Variants in PATL1 observed in about 807,000 individuals in gnomAD.
The protein encoded by PATL1 is PAT1 homolog 1, processing body mRNA decay factor.
In PATL1, 32 loss-of-function variants were observed where a neutral mutation model predicts 100.6. The ratio of observed to expected loss-of-function variants is 0.32; its 90% confidence interval spans 0.24 to 0.43. The LOEUF (loss-of-function observed/expected upper bound fraction) is 0.43. Among genes scored for constraint, PATL1 ranks in the 20% least tolerant of loss-of-function variants. The pLI, the probability that PATL1 is intolerant of heterozygous loss-of-function variation, is 1.00. For synonymous variants in PATL1, 332 were observed against 330.0 expected, an observed-to-expected ratio of 1.01 and a Z score of -0.07; for missense variants, 747 against 949.9, an observed-to-expected ratio of 0.79 and a Z score of 2.81.
intron 13 of PATL1, 88 bp from the exon 14 acceptor site, chr11:59,649,698 T>A: frequency 9.2e-6 from 12 of 1,299,854 alleles, no homozygotes; most frequent in Non-Finnish European, 1.2e-5. Context: ...GACTACTAGC[T>A]AAAGACAAAC....
chr11:59,641,574 G>A (rs1262697727), intron 16 of PATL1, among the ~76,000 whole-genome samples: 17 of 151,908 alleles, frequency 1.1e-4, no homozygotes, highest in Admixed American at 8.5e-4. Flanking sequence ...ACAACATGGC[G>A]AAACCCCACC....
At chr11:59,650,127 G>GAAAAAAAAAAAAAAAAAAAA (rs755879524) in intron 13 of PATL1, among the ~76,000 whole-genome samples, 1 of 61,634 alleles carries the variant, frequency 1.6e-5, no homozygotes, top group Non-Finnish European at 3.2e-5. Flanking sequence ...ATCTCAAAAG[G>GAAAAAAAAAAAAAAAAAAAA]AAAAAAAAAA....
chr11:59,647,235 A>AAAC (rs1565131626), intron 15 of PATL1, among the ~76,000 whole-genome samples: 1 of 150,840 alleles, frequency 6.6e-6, no homozygotes, highest in African/African-American at 2.5e-5. Flanking sequence ...AAAAAAAAAA[A>AAAC]AAAAAAAAAC....
rs1449845065 is a variant in PATL1, at chr11:59,638,424, A to T, written c.2292-13T>A. 2 of 1,607,196 alleles carry T rather than the reference A, an allele frequency of 1.2e-6. No homozygotes were observed. Among genetic ancestry groups the T allele is most frequent in the Non-Finnish European group, 1.7e-6 (2 of 1,174,552 alleles). ...CCCCTGAACTAGCCTAGGAGTACAA[A>T]GGAGAGAAAGGAAAATTGTATAAAT... On this transcript the variant is annotated splice_polypyrimidine_tract_variant and intron_variant, in intron 18 of 18. Transcript: ENST00000300146.
At chr11:59,660,574 G>T (rs1861613347) in intron 2 of PATL1, among the ~76,000 whole-genome samples, 1 of 152,134 alleles carries the variant, frequency 6.6e-6, no homozygotes, top group Admixed American at 6.5e-5. Flanking sequence ...TCAGTATAAA[G>T]AAAGGCCTTA....
Position 59,658,963 on chromosome 11 carries a change from A to G in PATL1, c.346-17T>C. 1.3e-6 allele frequency: 2 copies of G among 1,539,348 alleles called. No individual in the cohort carries two copies. The highest frequency in any genetic ancestry group is 1.8e-6 in the Non-Finnish European group (2 of 1,140,034). On this transcript the variant is annotated splice_polypyrimidine_tract_variant and intron_variant, in intron 3 of 18. Coordinates refer to ENST00000300146, the MANE Select transcript of PATL1 (RefSeq NM_152716.3). ...TGGTTGGGGCTAACAAAAAAGGAAA[A>G]CATACAGAGTCTGAAATGTTGTATA...
At position 59,639,295 on chromosome 11, in the gene PATL1, T is replaced by C. The variant is rs1203055727; in HGVS notation, c.2138A>G (p.Gln713Arg). 6.4e-7 allele frequency: 1 copy of C among 1,553,624 alleles called. No individual in the cohort carries two copies. The highest frequency in any genetic ancestry group is 1.4e-5 in the African/African-American group (1 of 73,228). The change falls in exon 17 of 19, where the codon CAG becomes CGG. Residue 713 changes from glutamine to arginine, a missense_variant. Gln to Arg is a conservative substitution (Grantham distance 43). This residue lies in a region of PATL1 where 434 missense variants were observed against 596.1 expected (regional missense o/e 0.73). Coordinates refer to ENST00000300146, the MANE Select transcript of PATL1 (RefSeq NM_152716.3). ...DPATESTQNN[Q>R]WTEVMFMATR... ...AGAAGAAACAGTCCACACTGACCAC[T>C]GATTATTTTGTGTTGATTCTGTAGC...
chr11:59,656,585 G>C lies in PATL1; in HGVS notation c.637C>G (p.Pro213Ala). ...GGCATTGGGGGCCGAACATGGACAG[G>C]CTTCGGACACAGAATCTATCAGGAC... is the stretch of plus-strand genomic sequence containing the variant. ...SFTQQILCPK[P>A]VHVRPPMPPR... Residue 213 changes from proline (P) to alanine (A), a missense_variant, in exon 6 of 19, where the codon CCT becomes GCT. Pro to Ala is a conservative substitution (Grantham distance 27, BLOSUM62 -1). Coordinates refer to ENST00000300146, the MANE Select transcript of PATL1 (RefSeq NM_152716.3). The C allele has an allele frequency of 1.9e-6, 3 of 1,613,888 alleles. No individual in the cohort carries two copies. The highest frequency in any genetic ancestry group is 2.5e-6 in the Non-Finnish European group (3 of 1,179,796).
intron 16 of PATL1, among the ~76,000 whole-genome samples, chr11:59,641,467 TCATGGCCGGTTG>T (rs1454068258): frequency 1.7e-4 from 26 of 152,096 alleles, no homozygotes; most frequent in African/African-American, 6.0e-4. Context: ...AAATTTCCCT[TCATGGCCGGTTG>T]CAGTAGCTCA....
intron 13 of PATL1, 83 bp from the exon 14 acceptor site, chr11:59,649,693 C>A: frequency 7.5e-7 from 1 of 1,332,030 alleles, no homozygotes; most frequent in South Asian, 1.6e-5. Flanking sequence ...TTTAGGACTA[C>A]TAGCTAAAGA....
In PATL1 at chr11:59,652,882, G is replaced by C; in HGVS notation, c.1258C>G (p.Gln420Glu). Residue 420 changes from glutamine to glutamate, a missense_variant, in exon 10 of 19, where the codon CAA becomes GAA. Coordinates refer to ENST00000300146, the MANE Select transcript of PATL1 (RefSeq NM_152716.3). ...KDWVSKIQMMQLQSTDPYLDD... is the reference protein window; with the variant it reads ...KDWVSKIQMMELQSTDPYLDD... ...AGGTAGGGATCAGTGCTTTGCAGTT[G>C]CATCATCTGGATTTTAGAGACCCAA... is the stretch of plus-strand genomic sequence containing the variant. The C allele has an allele frequency of 6.2e-7, 1 of 1,613,908 alleles. No homozygotes were observed. Among genetic ancestry groups the C allele is most frequent in the Non-Finnish European group, 8.5e-7 (1 of 1,179,872 alleles).
At chr11:59,656,644 T>G in intron 5 of PATL1, 44 bp from the exon 6 acceptor site, 1 of 1,550,482 alleles carries the variant, frequency 6.4e-7, no homozygotes, top group Non-Finnish European at 8.9e-7. Flanking sequence ...ATGAAATCAG[T>G]TTTTCTTCCA....
intron 11 of PATL1, 89 bp downstream of exon 11, chr11:59,652,375 C>G: frequency 6.8e-7 from 1 of 1,468,418 alleles, no homozygotes; most frequent in Non-Finnish European, 9.1e-7. Context: ...TTTGCATATC[C>G]TTCCACATAT....
intron 9 of PATL1, among the ~76,000 whole-genome samples, chr11:59,653,409 T>G (rs1861474316): frequency 6.6e-6 from 1 of 152,194 alleles, no homozygotes; most frequent in Non-Finnish European, 1.5e-5. Flanking sequence ...ACACAGGCGA[T>G]TTAGCTCTGA....
intron 2 of PATL1, among the ~76,000 whole-genome samples, chr11:59,665,996 T>C (rs974434116): frequency 9.2e-5 from 14 of 152,042 alleles, no homozygotes; most frequent in Admixed American, 6.5e-4. Context: ...TCTTAAAATA[T>C]GTATCTATAG....
chr11:59,639,985 G>A (rs915499814), intron 16 of PATL1: 2 of 152,326 alleles, frequency 1.3e-5, no homozygotes, highest in East Asian at 1.9e-4. Context: ...AAGAGAGAAA[G>A]GGTAAACAGA....
chr11:59,657,219 C>T (rs1278380961), intron 5 of PATL1: 2 of 818,652 alleles, frequency 2.4e-6, no homozygotes, highest in Non-Finnish European at 2.9e-6. Context: ...TTCCCACTCC[C>T]CCCGGCTTTC....
Position 59,661,147 on chromosome 11 carries a change from G to A in PATL1, c.128-1678C>T, listed in dbSNP as rs369127681. 6.6e-5 allele frequency among the ~76,000 whole-genome samples: 10 copies of A among 152,242 alleles called. No homozygotes were observed. The East Asian group carries it at 1.9e-3, about 29-fold the overall frequency. ...GTCGTCCAGGTTGGAGTGCAATGGCGTGATCTGGCTCACTGCAGTCTCAAC... is the reference window on the plus strand; with the variant it reads ...GTCGTCCAGGTTGGAGTGCAATGGCATGATCTGGCTCACTGCAGTCTCAAC... On this transcript the variant is annotated intron_variant, in intron 2 of 18. Transcript: ENST00000300146.
chr11:59,654,994 A>T (rs1861505943), intron 8 of PATL1, among the ~76,000 whole-genome samples: 1 of 152,176 alleles, frequency 6.6e-6, no homozygotes, highest in Non-Finnish European at 1.5e-5. Flanking sequence ...GACCTGCTAT[A>T]CTTATTTCAA....
Sources: allele counts gnomAD v4.1 joint callset (sites outside exome capture counted in the v4.1 genomes callset), GRCh38; gene constraint gnomAD v4.1.1; regional missense constraint gnomAD v4.1.1; transcripts MANE v1.5; gene names NCBI Gene and HGNC (gene_info 2026-07-23, HGNC 2026-07-21).